The following NKAIN3 variants were observed in gnomAD, a reference collection of about 807,000 sequenced individuals.
NKAIN3 encodes sodium/potassium transporting ATPase interacting 3, also known as sodium/potassium-transporting ATPase subunit beta-1-interacting protein 3.
NKAIN3 carries 25 observed loss-of-function variants against 30.2 expected under a neutral mutation model. The observed-to-expected ratio is 0.83, with a 90% CI of 0.60 to 1.16. The LOEUF is 1.16. Ranked by LOEUF, NKAIN3 falls within the 50% of genes most tolerant of loss-of-function variation. NKAIN3 has a pLI of 0.00. For synonymous variants in NKAIN3, 91 were observed against 89.6 expected, an observed-to-expected ratio of 1.02 and a Z score of -0.09; for missense variants, 225 against 254.1, an observed-to-expected ratio of 0.89 and a Z score of 0.78.
At chr8:62,649,478 A>G (rs1812561151) in intron 3 of NKAIN3, among the ~76,000 whole-genome samples, 1 of 152,186 alleles carries the variant, frequency 6.6e-6, no homozygotes, top group African/African-American at 2.4e-5. Flanking sequence ...TTTGTGAATA[A>G]TACCTTTTTC....
At chr8:62,826,525 G>C (rs1310473087) in intron 4 of NKAIN3, among the ~76,000 whole-genome samples, 1 of 152,130 alleles carries the variant, frequency 6.6e-6, no homozygotes, top group African/African-American at 2.4e-5. Flanking sequence ...TGTTAAATAA[G>C]ATTTCCCACG....
At chr8:62,910,931 A>G (rs913398984) in intron 4 of NKAIN3, among the ~76,000 whole-genome samples, 5 of 152,200 alleles carry the variant, frequency 3.3e-5, no homozygotes, top group Non-Finnish European at 7.3e-5. Flanking sequence ...TGGATGAACC[A>G]GTAAATGCTG....
intron 5 of NKAIN3, among the ~76,000 whole-genome samples, chr8:62,920,808 G>C (rs1822254473): frequency 6.6e-6 from 1 of 152,134 alleles, no homozygotes; most frequent in East Asian, 1.9e-4. Flanking sequence ...AACGAAACTT[G>C]GGTGCTCAAA....
At chr8:62,564,688 G>GAAC (rs1267706102) in intron 1 of NKAIN3, among the ~76,000 whole-genome samples, 1 of 152,124 alleles carries the variant, frequency 6.6e-6, no homozygotes, top group African/African-American at 2.4e-5. Flanking sequence ...GAACAGAACA[G>GAAC]AGCAGGTTAT....
intron 3 of NKAIN3, among the ~76,000 whole-genome samples, chr8:62,695,512 G>A (rs994523805): frequency 5.3e-5 from 8 of 152,176 alleles, no homozygotes; most frequent in Non-Finnish European, 1.0e-4. Context: ...ATAATACTGG[G>A]TATCTCTGAA....
At chr8:62,734,021 CCTGTAATCCCAT>C in intron 3 of NKAIN3, among the ~76,000 whole-genome samples, 1 of 152,256 alleles carries the variant, frequency 6.6e-6, no homozygotes, top group East Asian at 1.9e-4. Flanking sequence ...GTGGTTCACA[CCTGTAATCCCAT>C]CACTTTGGGA....
intron 1 of NKAIN3, among the ~76,000 whole-genome samples, chr8:62,292,364 T>C (rs571061100): frequency 6.6e-6 from 1 of 152,216 alleles, no homozygotes; most frequent in African/African-American, 2.4e-5. Context: ...GTTTTTGCAG[T>C]GGCTGGTACC....
intron 5 of NKAIN3, among the ~76,000 whole-genome samples, chr8:62,931,743 A>G (rs1822624966): frequency 6.6e-6 from 1 of 152,216 alleles, no homozygotes. Context: ...CTCAAAGGAC[A>G]TTAGATTTGA....
At chr8:62,662,772 C>A (rs1422954118) in intron 3 of NKAIN3, among the ~76,000 whole-genome samples, 1 of 152,082 alleles carries the variant, frequency 6.6e-6, no homozygotes, top group Non-Finnish European at 1.5e-5. Flanking sequence ...CAACTATGTA[C>A]AAAATACTTT....
At chr8:62,282,082 T>C (rs1813217075) in intron 1 of NKAIN3, among the ~76,000 whole-genome samples, 2 of 151,960 alleles carry the variant, frequency 1.3e-5, no homozygotes, top group Admixed American at 6.6e-5. Flanking sequence ...GATGCACAAA[T>C]CCTTTTTGTT....
intron 3 of NKAIN3, among the ~76,000 whole-genome samples, chr8:62,668,519 C>T (rs1170960798): frequency 6.6e-6 from 1 of 152,106 alleles, no homozygotes; most frequent in African/African-American, 2.4e-5. Context: ...GAGTTCTTTC[C>T]ATTACACCAT....
intron 4 of NKAIN3, among the ~76,000 whole-genome samples, chr8:62,752,378 A>C (rs2130597374): frequency 6.6e-6 from 1 of 152,260 alleles, no homozygotes; most frequent in South Asian, 2.1e-4. Context: ...CCATCTACTG[A>C]ATTCTCATTT....
chr8:62,841,203 A>G (rs1219293656), intron 4 of NKAIN3, among the ~76,000 whole-genome samples: 6 of 152,184 alleles, frequency 3.9e-5, no homozygotes, highest in African/African-American at 1.4e-4. Flanking sequence ...TATAATAATC[A>G]TAATTGTATT....
Position 62,983,402 on chromosome 8 carries a change from T to A in NKAIN3, c.*17995T>A, listed in dbSNP as rs1371034634. ...TCTTCCAGTTTCAGAGCCCCAGCGATCCCAGGATGAAGGAGAGCCCATTTG... is the reference window on the plus strand; with the variant it reads ...TCTTCCAGTTTCAGAGCCCCAGCGAACCCAGGATGAAGGAGAGCCCATTTG... On this transcript the variant is annotated 3_prime_UTR_variant, in exon 7 of 7. Coordinates refer to ENST00000623646, the MANE Select transcript of NKAIN3 (RefSeq NM_001304533.3). The A allele has an allele frequency of 6.6e-6, 1 of 152,170 alleles. No homozygotes were observed. Among genetic ancestry groups the A allele is most frequent in the Non-Finnish European group, 1.5e-5 (1 of 68,052 alleles). The allele number at this position is 152,170 out of a possible 1,614,324, so 9.4% of individuals were successfully genotyped here.
intron 1 of NKAIN3, among the ~76,000 whole-genome samples, chr8:62,509,107 G>A (rs1807736109): frequency 6.6e-6 from 1 of 152,090 alleles, no homozygotes; most frequent in Non-Finnish European, 1.5e-5. Flanking sequence ...TTAAAGGATT[G>A]AACTCCAATG....
At chr8:62,827,088 C>T (rs941271551) in intron 4 of NKAIN3, among the ~76,000 whole-genome samples, 1 of 152,024 alleles carries the variant, frequency 6.6e-6, no homozygotes, top group African/African-American at 2.4e-5. Context: ...AAACAATTTC[C>T]CAGCCCAAAC....
intron 1 of NKAIN3, among the ~76,000 whole-genome samples, chr8:62,361,909 CT>C (rs1359107014): frequency 2.0e-5 from 3 of 152,122 alleles, no homozygotes; most frequent in Non-Finnish European, 4.4e-5. Flanking sequence ...ATCTTATTAG[CT>C]CCTTTTTATC....
At chr8:62,448,784 A>C (rs6985811) in intron 1 of NKAIN3, among the ~76,000 whole-genome samples, 33,733 of 151,846 alleles carry the variant, frequency 0.22, 3,983 homozygotes, top group Middle Eastern at 0.34. Flanking sequence ...TCTAGATCAA[A>C]TTTTAAAGTT....
At chr8:62,761,534 T>C (rs1435232534) in intron 4 of NKAIN3, among the ~76,000 whole-genome samples, 1 of 152,168 alleles carries the variant, frequency 6.6e-6, no homozygotes, top group Admixed American at 6.5e-5. Flanking sequence ...TCAGAAACGA[T>C]GTTATCTTGG....
Sources: gnomAD v4.1 joint callset for allele counts (sites outside exome capture counted in the v4.1 genomes callset) on GRCh38, gnomAD v4.1.1 for gene constraint, MANE v1.5 for transcripts, NCBI Gene and HGNC (gene_info 2026-07-23, HGNC 2026-07-21) for gene names.